ZNF365: variants seen among roughly 807,000 people sequenced by gnomAD.
ZNF365 encodes zinc finger protein 365.
ZNF365 carries 22 observed loss-of-function variants against 35.0 expected under a neutral mutation model. The ratio of observed to expected loss-of-function variants is 0.63; its 90% CI spans 0.45 to 0.90. ZNF365 has a LOEUF of 0.90. Among genes scored for constraint, ZNF365 ranks in the 40% least tolerant of loss-of-function variants. The pLI is 0.00. For missense variants in ZNF365, 448 were observed against 500.3 expected (o/e 0.90, Z 1.00); for synonymous variants, 188 against 196.2 (o/e 0.96, Z 0.35).
At chr10:62,435,402 A>G (rs923280856) in intron 3 of ZNF365, among the ~76,000 whole-genome samples, 39 of 152,302 alleles carry the variant, frequency 2.6e-4, no homozygotes, top group African/African-American at 8.9e-4. Flanking sequence ...TGCCTGAGAT[A>G]TATTTATCTG....
At chr10:62,425,985 C>T (rs1453001795) in intron 3 of ZNF365, among the ~76,000 whole-genome samples, 12 of 152,110 alleles carry the variant, frequency 7.9e-5, no homozygotes. Flanking sequence ...GTCCAAACAA[C>T]CATTTTGACT....
intron 3 of ZNF365, among the ~76,000 whole-genome samples, chr10:62,450,931 C>G (rs1459402355): frequency 6.6e-6 from 1 of 152,178 alleles, no homozygotes; most frequent in African/African-American, 2.4e-5. Context: ...ATAGTTAAGA[C>G]AAGAGTTATC....
At chr10:62,397,105 G>A (rs888490380) in intron 3 of ZNF365, among the ~76,000 whole-genome samples, 2 of 152,198 alleles carry the variant, frequency 1.3e-5, no homozygotes, top group Admixed American at 6.5e-5. Context: ...TTTGTATGTT[G>A]CATAATCTTT....
At chr10:62,433,609 C>G (rs1404863869) in intron 3 of ZNF365, among the ~76,000 whole-genome samples, 1 of 152,042 alleles carries the variant, frequency 6.6e-6, no homozygotes, top group Non-Finnish European at 1.5e-5. Flanking sequence ...TGATGACGAT[C>G]CAGATTTGGA....
downstream of ZNF365, among the ~76,000 whole-genome samples, chr10:62,402,717 C>T (rs117242186): frequency 2.2e-4 from 33 of 152,334 alleles, no homozygotes; most frequent in Non-Finnish European, 4.4e-4. Context: ...TCTTCCTCCA[C>T]AACCATGAGT....
chr10:62,472,187 T>C (rs1341199084), intron 4 of ZNF365, among the ~76,000 whole-genome samples: 1 of 152,202 alleles, frequency 6.6e-6, no homozygotes, highest in Non-Finnish European at 1.5e-5. Context: ...CATCCCACTG[T>C]GTTAAAATGT....
At chr10:62,388,342 G>A (rs1425472688) in intron 2 of ZNF365, 54 bp from the exon 3 acceptor site, 14 of 1,605,024 alleles carry the variant, frequency 8.7e-6, no homozygotes, top group Non-Finnish European at 1.7e-6. Context: ...TGTTGAATGA[G>A]TGAATTCCTT....
chr10:62,409,568 C>T (rs1839955518), intron 3 of ZNF365, among the ~76,000 whole-genome samples: 1 of 152,102 alleles, frequency 6.6e-6, no homozygotes, highest in South Asian at 2.1e-4. Context: ...TGGTCATTGA[C>T]TCTGTGGCAC....
intron 4 of ZNF365, among the ~76,000 whole-genome samples, chr10:62,478,254 C>T (rs968343080): frequency 6.6e-6 from 1 of 152,122 alleles, no homozygotes; most frequent in African/African-American, 2.4e-5. Context: ...AATAAACATG[C>T]CCATTTGGAA....
At chr10:62,413,481 A>G (rs1840021590) in intron 3 of ZNF365, among the ~76,000 whole-genome samples, 1 of 152,174 alleles carries the variant, frequency 6.6e-6, no homozygotes, top group Non-Finnish European at 1.5e-5. Flanking sequence ...ATTATAGTAA[A>G]CGCTTCAAAA....
At chr10:62,396,778 T>G (rs1198402759) in intron 3 of ZNF365, among the ~76,000 whole-genome samples, 1 of 152,160 alleles carries the variant, frequency 6.6e-6, no homozygotes, top group Admixed American at 6.5e-5. Flanking sequence ...TCTCTCAATT[T>G]TGCATAAAAT....
Position 62,465,434 on chromosome 10 carries a change from C to T in ZNF365, c.981+5637C>T, listed in dbSNP as rs114330425. ...GGTTCCTAGGTGGGAAGGGGTGTGT[C>T]CCTAGTGAAAACCCACCTTCAAGCC... On this transcript the variant is annotated intron_variant, in intron 4 of 4. Transcript: ENST00000395255. 5.2e-3 allele frequency among the ~76,000 whole-genome samples: 793 copies of T among 152,202 alleles called. 7 individuals are homozygous for T. The highest frequency in any genetic ancestry group is 0.018 in the African/African-American group (757 of 41,524).
chr10:62,457,347 A>C lies in ZNF365; in HGVS notation c.925-2394A>C, dbSNP rs115995053. ...ATAATTTTCTATACCACTTAAGCAGATGGGGTTGGCTTGCTCATTTCAAAA... is the reference window on the plus strand; with the variant it reads ...ATAATTTTCTATACCACTTAAGCAGCTGGGGTTGGCTTGCTCATTTCAAAA... On this transcript the variant is annotated intron_variant, in intron 3 of 4. Coordinates refer to the ZNF365 transcript ENST00000395255. Among the ~76,000 whole-genome samples, 395 of 152,334 alleles carry C rather than the reference A, an allele frequency of 2.6e-3. 6 individuals carry two copies. Among genetic ancestry groups the C allele is most frequent in the African/African-American group, 9.1e-3 (377 of 41,566 alleles).
rs773582648 is a variant in ZNF365 at position 62,392,790 on chromosome 10, C to CTAG, written c.924+4214_924+4215insTAG. 3.8e-3 allele frequency among the ~76,000 whole-genome samples: 586 copies of CTAG among 152,222 alleles called. 3 individuals carry two copies. The highest frequency in any genetic ancestry group is 7.3e-3 in the Non-Finnish European group (498 of 68,022). On this transcript the variant is annotated intron_variant, in intron 3 of 4. Transcript: ENST00000395254. ...GGATTACAGGCACCTGCCACCACAC[C>CTAG]CAGCTAATTTTTTGTATTTTTAATA...
Position 62,402,137 on chromosome 10 carries a change from G to C in ZNF365, c.*2348G>C, listed in dbSNP as rs1305137995. On this transcript the variant is annotated 3_prime_UTR_variant, in exon 5 of 5. Transcript: ENST00000395254. ...GTCCACATGGGCCGTTGACCTTAGAGTTAAGGCGGTTGCTTTTTTGAAGAA... is the reference window on the plus strand; with the variant it reads ...GTCCACATGGGCCGTTGACCTTAGACTTAAGGCGGTTGCTTTTTTGAAGAA... The C allele has an allele frequency of 1.0e-6, 1 of 985,828 alleles. No homozygotes were observed. The allele number at this position is 985,828 out of a possible 1,614,324, so 61.1% of individuals were successfully genotyped here. A position where few individuals can be genotyped will look rare whatever the true frequency, so the allele number is the denominator to read the frequency against.
exon 5 of ZNF365, chr10:62,480,108 A>G (rs1841199392): frequency 1.5e-6 from 2 of 1,329,418 alleles, no homozygotes; most frequent in Non-Finnish European, 1.9e-6. Flanking sequence ...CTCCCTAACA[A>G]GACTGCAGAC....
intron 3 of ZNF365, among the ~76,000 whole-genome samples, chr10:62,420,278 T>TAA (rs1840145738): frequency 6.6e-6 from 1 of 152,232 alleles, no homozygotes; most frequent in Non-Finnish European, 1.5e-5. Context: ...TGAAATTAAC[T>TAA]CGTAATAAAT....
intron 4 of ZNF365, among the ~76,000 whole-genome samples, chr10:62,471,731 C>T (rs1465936706): frequency 6.6e-6 from 1 of 152,150 alleles, no homozygotes; most frequent in African/African-American, 2.4e-5. Context: ...ATTTTTTTAA[C>T]ATTCCAGCCT....
intron 3 of ZNF365, among the ~76,000 whole-genome samples, chr10:62,443,245 T>C (rs922066784): frequency 6.6e-6 from 1 of 152,236 alleles, no homozygotes; most frequent in Non-Finnish European, 1.5e-5. Context: ...GGGATTTTCC[T>C]GTAATGATTG....
Sources: gnomAD v4.1 joint callset for allele counts (sites outside exome capture counted in the v4.1 genomes callset) on GRCh38, gnomAD v4.1.1 for gene constraint, MANE v1.5 for transcripts, NCBI Gene and HGNC (gene_info 2026-07-23, HGNC 2026-07-21) for gene names.